Variants in CRB1 observed in about 807,000 individuals in gnomAD.
The protein encoded by CRB1 is crumbs cell polarity complex component 1.
CRB1 carries 83 observed loss-of-function variants against 120.0 expected under a neutral mutation model. That is an observed-to-expected ratio of 0.69 (90% confidence interval 0.58 to 0.83). The LOEUF (loss-of-function observed/expected upper bound fraction) is 0.83. Ranked by LOEUF, CRB1 falls within the 40% of genes least tolerant of loss-of-function variation. CRB1 has a pLI of 0.00. For synonymous variants in CRB1, 625 were observed against 612.5 expected (o/e 1.02, Z -0.30); for missense variants, 1,699 against 1,687.6 (o/e 1.01, Z -0.12).
the CRB1 span, among the ~76,000 whole-genome samples, chr1:197,242,692 T>G: frequency 1.3e-5 from 2 of 152,202 alleles, no homozygotes; most frequent in Non-Finnish European, 2.9e-5. Context: ...CCTCATAAAA[T>G]GAGTTAGGGA....
At chr1:197,460,385 T>C (rs1413665698) in intron 11 of CRB1, among the ~76,000 whole-genome samples, 1 of 152,108 alleles carries the variant, frequency 6.6e-6, no homozygotes, top group Non-Finnish European at 1.5e-5. Flanking sequence ...GCAATCTATT[T>C]TCAGAGCTAA....
At chr1:197,290,265 C>CGTGTGT (rs10540136) in intron 1 of CRB1, among the ~76,000 whole-genome samples, 4,628 of 136,890 alleles carry the variant, frequency 0.034, 136 homozygotes, top group East Asian at 0.055. Flanking sequence ...TGTTCCCTTT[C>CGTGTGT]GTGTGTGTGT....
chr1:197,471,286 A>G (rs897964661), intron 11 of CRB1, among the ~76,000 whole-genome samples: 2 of 152,118 alleles, frequency 1.3e-5, no homozygotes, highest in African/African-American at 2.4e-5. Context: ...AAGCCTTTAT[A>G]TTGGATTCCT....
intron 5 of CRB1, among the ~76,000 whole-genome samples, chr1:197,404,377 G>GCTTGC (rs1005995217): frequency 1.4e-5 from 2 of 147,338 alleles, no homozygotes; most frequent in Non-Finnish European, 3.0e-5. Context: ...GGGAGGCGGA[G>GCTTGC]CTTGCAGTGA....
chr1:197,258,353 C>T, the CRB1 span, among the ~76,000 whole-genome samples: 16 of 152,054 alleles, frequency 1.1e-4, no homozygotes, highest in African/African-American at 3.9e-4. Flanking sequence ...CGTTGCCTCC[C>T]CATCCCATGT....
At chr1:197,280,065 A>T (rs1432791931) in intron 1 of CRB1, among the ~76,000 whole-genome samples, 1 of 151,876 alleles carries the variant, frequency 6.6e-6, no homozygotes, top group East Asian at 1.9e-4. Context: ...TGATTTAGAT[A>T]CTTAAATTAT....
intron 5 of CRB1, among the ~76,000 whole-genome samples, chr1:197,393,529 T>TC (rs375290411): frequency 4.6e-5 from 7 of 152,014 alleles, no homozygotes; most frequent in African/African-American, 9.7e-5. Context: ...TCATTTTTTT[T>TC]GAAAGATAAA....
chr1:197,475,074 A>G (rs1028315171), intron 11 of CRB1, among the ~76,000 whole-genome samples: 7 of 152,208 alleles, frequency 4.6e-5, no homozygotes, highest in African/African-American at 1.7e-4. Flanking sequence ...TTTCTAAAAA[A>G]CTACTGAACT....
At chr1:197,383,093 C>A (rs973415358) in intron 5 of CRB1, among the ~76,000 whole-genome samples, 1 of 152,142 alleles carries the variant, frequency 6.6e-6, no homozygotes, top group African/African-American at 2.4e-5. Flanking sequence ...CACTCAAGGG[C>A]TTGAATGGGC....
chr1:197,393,457 A>T (rs1662612058), intron 5 of CRB1, among the ~76,000 whole-genome samples: 1 of 152,116 alleles, frequency 6.6e-6, no homozygotes, highest in South Asian at 2.1e-4. Flanking sequence ...GGCTGTTTTC[A>T]GTCTTCCTTT....
intron 5 of CRB1, among the ~76,000 whole-genome samples, chr1:197,420,435 A>G (rs1188704936): frequency 1.3e-5 from 2 of 152,202 alleles, no homozygotes; most frequent in Non-Finnish European, 1.5e-5. Flanking sequence ...CTGGCATTGC[A>G]GGGAAGGAGG....
At chr1:197,265,142 C>A (rs148459568), upstream of CRB1, among the ~76,000 whole-genome samples, 128 of 152,198 alleles carry the variant, frequency 8.4e-4, 2 homozygotes, top group African/African-American at 2.8e-3. Context: ...AGCTCATCTT[C>A]GGTAGAGGTT....
chr1:197,356,004 CA>C (rs1660461347), intron 4 of CRB1, among the ~76,000 whole-genome samples: 1 of 152,190 alleles, frequency 6.6e-6, no homozygotes, highest in African/African-American at 2.4e-5. Context: ...GTACATAAAA[CA>C]AAGGTTAAAC....
At chr1:197,369,736 C>T (rs1006714980) in intron 5 of CRB1, among the ~76,000 whole-genome samples, 2 of 152,126 alleles carry the variant, frequency 1.3e-5, no homozygotes, top group Admixed American at 6.6e-5. Context: ...CTCTACATAC[C>T]CTAATTTCAT....
intron 10 of CRB1, 52 bp from the exon 11 acceptor site, chr1:197,442,114 A>G: frequency 6.2e-7 from 1 of 1,613,518 alleles, no homozygotes; most frequent in Non-Finnish European, 8.5e-7. Flanking sequence ...CCATTTCACA[A>G]CCAATGTATT....
chr1:197,303,028 G>A (rs1656959861), intron 1 of CRB1, among the ~76,000 whole-genome samples: 1 of 151,958 alleles, frequency 6.6e-6, no homozygotes, highest in African/African-American at 2.4e-5. Flanking sequence ...CATCAACTTG[G>A]TTTCCAGCCA....
intron 2 of CRB1, among the ~76,000 whole-genome samples, chr1:197,343,481 T>C (rs963382563): frequency 3.3e-5 from 5 of 150,424 alleles, no homozygotes; most frequent in Admixed American, 2.7e-4. Context: ...ATAAGTACAG[T>C]TTTTTTTTAA....
intron 11 of CRB1, among the ~76,000 whole-genome samples, chr1:197,460,166 T>C (rs1303626797): frequency 6.6e-6 from 1 of 151,964 alleles, no homozygotes; most frequent in Non-Finnish European, 1.5e-5. Flanking sequence ...TTAAGTCTTC[T>C]TTCACTAAAA....
At chr1:197,348,377 G>C (rs899577213) in intron 4 of CRB1, among the ~76,000 whole-genome samples, 1 of 152,194 alleles carries the variant, frequency 6.6e-6, no homozygotes, top group Non-Finnish European at 1.5e-5. Context: ...TGTAGGCCTA[G>C]ACTATGGTGT....
Sources: allele counts gnomAD v4.1 joint callset (sites outside exome capture counted in the v4.1 genomes callset), GRCh38; gene constraint gnomAD v4.1.1; transcripts MANE v1.5; gene names NCBI Gene and HGNC (gene_info 2026-07-23, HGNC 2026-07-21).